The following LRP1B variants were observed in gnomAD, a reference collection of about 807,000 sequenced individuals.
LRP1B encodes LDL receptor related protein 1B.
Under a neutral mutation model 556.6 loss-of-function variants are expected in LRP1B, and 217 were observed. The observed-to-expected ratio is 0.39, with a 90% CI of 0.35 to 0.44. LRP1B has a LOEUF of 0.44. Ranked by LOEUF, LRP1B falls within the 20% of genes least tolerant of loss-of-function variation. LRP1B has a pLI of 1.00. For synonymous variants in LRP1B, 2,047 were observed against 1,865.8 expected, an observed-to-expected ratio of 1.10 and a Z score of -2.50; for missense variants, 5,053 against 5,620.8, an observed-to-expected ratio of 0.90 and a Z score of 3.23.
At chr2:142,115,629 A>AT (rs1707200779) in intron 1 of LRP1B, among the ~76,000 whole-genome samples, 1 of 36,152 alleles carries the variant, frequency 2.8e-5, no homozygotes, top group African/African-American at 8.9e-5. Flanking sequence ...TGTAATATAT[A>AT]TATTATATAT....
At chr2:140,656,643 T>G (rs1029615797) in intron 41 of LRP1B, among the ~76,000 whole-genome samples, 7 of 152,158 alleles carry the variant, frequency 4.6e-5, no homozygotes, top group African/African-American at 1.7e-4. Flanking sequence ...ACTTCTGATT[T>G]TTCTGCTTGT....
chr2:140,982,562 A>G (rs981531105), intron 17 of LRP1B, among the ~76,000 whole-genome samples: 1 of 152,156 alleles, frequency 6.6e-6, no homozygotes, highest in African/African-American at 2.4e-5. Context: ...ATTATTTTAA[A>G]CTTTTGCCCA....
At chr2:140,872,573 CA>C (rs1193377620) in intron 25 of LRP1B, among the ~76,000 whole-genome samples, 1 of 151,632 alleles carries the variant, frequency 6.6e-6, no homozygotes, top group Non-Finnish European at 1.5e-5. Flanking sequence ...ACCCAGAGTT[CA>C]AAGGTCCAGT....
chr2:141,712,085 C>G (rs1692381973), intron 2 of LRP1B, among the ~76,000 whole-genome samples: 2 of 152,090 alleles, frequency 1.3e-5, no homozygotes, highest in African/African-American at 4.8e-5. Context: ...AAAGGGAGGA[C>G]AGCCAAATTC....
intron 84 of LRP1B, 142 bp downstream of exon 84, chr2:140,297,666 G>T: frequency 1.2e-6 from 1 of 860,848 alleles, no homozygotes; most frequent in Non-Finnish European, 1.8e-6. Context: ...GTGAAGAATG[G>T]GTAAATAATT....
chr2:140,741,890 TTAAGA>T (rs1277151054), intron 35 of LRP1B, among the ~76,000 whole-genome samples: 1 of 152,166 alleles, frequency 6.6e-6, no homozygotes, highest in African/African-American at 2.4e-5. Flanking sequence ...ATTAATTAAT[TTAAGA>T]TAATAGCCTC....
At chr2:140,307,537 G>T (rs1344008318) in intron 83 of LRP1B, among the ~76,000 whole-genome samples, 2 of 151,496 alleles carry the variant, frequency 1.3e-5, no homozygotes, top group African/African-American at 4.8e-5. Flanking sequence ...TATATCAGTT[G>T]AAATAATATA....
rs534452177 is a variant in LRP1B at position 140,683,021 on chromosome 2, C to A, written c.6799+17229G>T. On this transcript the variant is annotated intron_variant, in intron 41 of 90. Transcript: ENST00000389484. ...TGTAGAAAACAGTCCTTGCTTTACACTTCCTGCAGTTTAAATAAATAAATC... is the reference window on the plus strand; with the variant it reads ...TGTAGAAAACAGTCCTTGCTTTACAATTCCTGCAGTTTAAATAAATAAATC... Among the ~76,000 whole-genome samples, 22 of 152,314 alleles carry A rather than the reference C, an allele frequency of 1.4e-4. No individual in the cohort carries two copies. The South Asian group carries it at 1.9e-3, about 13-fold the overall frequency.
chr2:141,772,218 A>G (rs922902664), intron 2 of LRP1B, among the ~76,000 whole-genome samples: 2 of 152,128 alleles, frequency 1.3e-5, no homozygotes, highest in African/African-American at 4.8e-5. Flanking sequence ...TGGACATCTC[A>G]GCTTCCAAAA....
intron 32 of LRP1B, among the ~76,000 whole-genome samples, chr2:140,788,452 G>A (rs532183710): frequency 3.0e-4 from 45 of 152,042 alleles, no homozygotes; most frequent in African/African-American, 1.1e-3. Flanking sequence ...AATTACTGTT[G>A]GTGGCAAAAA....
chr2:140,807,974 C>T (rs912759240), intron 32 of LRP1B, among the ~76,000 whole-genome samples: 11 of 152,136 alleles, frequency 7.2e-5, no homozygotes, highest in African/African-American at 2.7e-4. Flanking sequence ...TGCCTGTAAT[C>T]CCAGCTACTG....
At chr2:142,126,170 T>A (rs1225116587) in intron 1 of LRP1B, among the ~76,000 whole-genome samples, 1 of 151,700 alleles carries the variant, frequency 6.6e-6, no homozygotes, top group Admixed American at 6.6e-5. Context: ...TGCCACACAG[T>A]CAGATTCTGT....
At chr2:141,175,605 C>A (rs1402925514) in intron 7 of LRP1B, among the ~76,000 whole-genome samples, 1 of 152,128 alleles carries the variant, frequency 6.6e-6, no homozygotes, top group Non-Finnish European at 1.5e-5. Flanking sequence ...GATGTCCAGG[C>A]AGAAGTCTGC....
chr2:140,322,457 T>C (rs1445364291), intron 81 of LRP1B, among the ~76,000 whole-genome samples: 1 of 152,066 alleles, frequency 6.6e-6, no homozygotes, highest in Non-Finnish European at 1.5e-5. Context: ...TGGGGGGATC[T>C]GACCTTCATT....
intron 3 of LRP1B, among the ~76,000 whole-genome samples, chr2:141,317,616 C>T (rs574772295): frequency 5.9e-5 from 9 of 152,170 alleles, no homozygotes; most frequent in South Asian, 2.1e-4. Flanking sequence ...GAATATAATC[C>T]ATTCCAGATT....
chr2:141,426,364 A>G (rs1044061100), intron 3 of LRP1B, among the ~76,000 whole-genome samples: 1 of 152,182 alleles, frequency 6.6e-6, no homozygotes. Flanking sequence ...TGATGCCTCC[A>G]GCTTTGTTCT....
At chr2:140,569,595 T>C (rs1681248357) in intron 43 of LRP1B, among the ~76,000 whole-genome samples, 1 of 151,816 alleles carries the variant, frequency 6.6e-6, no homozygotes, top group Admixed American at 6.6e-5. Flanking sequence ...GCTCCAATAA[T>C]AGAAACTTCA....
intron 3 of LRP1B, among the ~76,000 whole-genome samples, chr2:141,272,200 GAGTT>G (rs1476265842): frequency 6.6e-6 from 1 of 152,142 alleles, no homozygotes; most frequent in East Asian, 1.9e-4. Flanking sequence ...AGAGAGAATA[GAGTT>G]ATTTATATAT....
chr2:141,193,323 A>G (rs1475802073), intron 6 of LRP1B, among the ~76,000 whole-genome samples: 1 of 152,042 alleles, frequency 6.6e-6, no homozygotes, highest in African/African-American at 2.4e-5. Flanking sequence ...TCACAATAGC[A>G]AAGACATGGA....
Sources: gnomAD v4.1 joint callset for allele counts (sites outside exome capture counted in the v4.1 genomes callset) on GRCh38, gnomAD v4.1.1 for gene constraint, MANE v1.5 for transcripts, NCBI Gene and HGNC (gene_info 2026-07-23, HGNC 2026-07-21) for gene names.